Variants in CA10 observed in about 807,000 individuals in gnomAD.
CA10 encodes the protein carbonic anhydrase 10 (inactive), also known as carbonic anhydrase-related protein 10.
CA10 carries 14 observed loss-of-function variants against 44.2 expected under a neutral mutation model. That is an observed-to-expected ratio of 0.32 (90% CI 0.21 to 0.50). CA10 has a LOEUF of 0.50. CA10 is among the 20% of genes least tolerant of loss of function. The probability of loss-of-function intolerance (pLI) is 0.99; values close to 1 mark genes in which losing one functional copy is unlikely to be tolerated. For synonymous variants in CA10, 159 were observed against 141.6 expected (o/e 1.12, Z -0.87); for missense variants, 350 against 409.7 (o/e 0.85, Z 1.26).
chr17:51,648,530 G>C (rs1284422157), intron 6 of CA10, among the ~76,000 whole-genome samples: 1 of 152,120 alleles, frequency 6.6e-6, no homozygotes, highest in African/African-American at 2.4e-5. Flanking sequence ...GGTGTGTGCT[G>C]TCTCACCCAA....
chr17:51,965,341 A>T (rs750187573), intron 2 of CA10, among the ~76,000 whole-genome samples: 3 of 152,000 alleles, frequency 2.0e-5, no homozygotes, highest in Non-Finnish European at 4.4e-5. Flanking sequence ...CTATTTCAAG[A>T]AATCAAGGAG....
chr17:52,064,370 A>C (rs771259482), intron 2 of CA10, among the ~76,000 whole-genome samples: 18 of 152,268 alleles, frequency 1.2e-4, no homozygotes, highest in Non-Finnish European at 2.2e-4. Context: ...CTACTAAATA[A>C]ATGGTAATTC....
intron 3 of CA10, among the ~76,000 whole-genome samples, chr17:51,797,597 T>C (rs1484579517): frequency 1.3e-5 from 2 of 152,094 alleles, no homozygotes; most frequent in Non-Finnish European, 2.9e-5. Flanking sequence ...GGCTCACACC[T>C]GTAATCCCAG....
chr17:52,020,775 C>T (rs1257999512), intron 2 of CA10, among the ~76,000 whole-genome samples: 1 of 151,896 alleles, frequency 6.6e-6, no homozygotes, highest in Non-Finnish European at 1.5e-5. Context: ...ACATAGTACC[C>T]AATAAATAGT....
At chr17:52,044,846 A>G (rs1447091901) in intron 2 of CA10, among the ~76,000 whole-genome samples, 1 of 151,096 alleles carries the variant, frequency 6.6e-6, no homozygotes, top group African/African-American at 2.4e-5. Context: ...CAAGCAATCT[A>G]AGATATGTAT....
intron 1 of CA10, among the ~76,000 whole-genome samples, chr17:52,146,180 C>A (rs1021981011): frequency 3.9e-5 from 6 of 152,124 alleles, no homozygotes; most frequent in African/African-American, 1.4e-4. Context: ...TGCAACACAC[C>A]AACATGGCAC....
intron 4 of CA10, among the ~76,000 whole-genome samples, chr17:51,692,781 A>G (rs1346695292): frequency 2.6e-5 from 4 of 152,248 alleles, no homozygotes; most frequent in African/African-American, 9.6e-5. Flanking sequence ...TCATGTGGAA[A>G]TAAGTTTTTT....
chr17:51,890,003 T>C (rs940908134), intron 3 of CA10, among the ~76,000 whole-genome samples: 5 of 152,144 alleles, frequency 3.3e-5, no homozygotes, highest in Non-Finnish European at 1.5e-5. Flanking sequence ...ACCCTTTACA[T>C]TGATTATCTT....
chr17:51,738,872 CAATT>C lies in CA10; in HGVS notation c.465+8757_465+8760del, dbSNP rs539282586. ...TTTTATTTAAAAAGTTAAAAATCCCCAATTAAGAGTCAGGAAACTTGGGTTCTGG... is the reference window on the plus strand; with the variant it reads ...TTTTATTTAAAAAGTTAAAAATCCCCAAGAGTCAGGAAACTTGGGTTCTGG... On this transcript the variant is annotated intron_variant, in intron 4 of 8. Transcript: ENST00000451037. Among the ~76,000 whole-genome samples the C allele has an allele frequency of 1.3e-4, 20 of 152,284 alleles. No individual in the cohort carries two copies. In the South Asian group the frequency reaches 4.1e-3, roughly 32 times the overall value.
Position 52,158,497 on chromosome 17 carries a change from G to A in CA10, c.-711C>T. The A allele has an allele frequency of 6.5e-6, 1 of 154,944 alleles. No homozygotes were observed. The highest frequency in any genetic ancestry group is 1.4e-5 in the Non-Finnish European group (1 of 70,158). 9.6% of individuals were successfully genotyped at this position (154,944 alleles called of 1,614,324 possible). A position where few individuals can be genotyped will look rare whatever the true frequency, so the allele number is the denominator to read the frequency against. ...CCCTCCCTGCTCCCCAGGTCCGCGC[G>A]CAGCCTGCAGCCTCTCAGCCGGGTT... On this transcript the variant is annotated 5_prime_UTR_variant, in exon 1 of 9. Coordinates refer to ENST00000451037, the MANE Select transcript of CA10 (RefSeq NM_020178.5).
chr17:51,871,701 C>CTT (rs112702385), intron 3 of CA10, among the ~76,000 whole-genome samples: 3,398 of 147,184 alleles, frequency 0.023, 50 homozygotes, highest in Middle Eastern at 0.049. Context: ...CTTCTTTAAA[C>CTT]TTTTTTTTTT....
At chr17:51,691,791 A>G (rs1442132951) in intron 4 of CA10, among the ~76,000 whole-genome samples, 2 of 152,190 alleles carry the variant, frequency 1.3e-5, no homozygotes, top group African/African-American at 4.8e-5. Flanking sequence ...ACATGTGACT[A>G]TCCAGTTTTC....
intron 3 of CA10, among the ~76,000 whole-genome samples, chr17:51,809,497 C>T (rs930172670): frequency 6.6e-6 from 1 of 152,184 alleles, no homozygotes; most frequent in Non-Finnish European, 1.5e-5. Flanking sequence ...AAGGACAGTG[C>T]TAGAGCCAGG....
intron 2 of CA10, among the ~76,000 whole-genome samples, chr17:51,978,651 TAGG>T (rs766460928): frequency 4.6e-4 from 70 of 152,114 alleles, no homozygotes; most frequent in Non-Finnish European, 6.6e-4. Flanking sequence ...CAGAACACAA[TAGG>T]CATTAACCAT....
At chr17:51,905,730 T>G (rs1286172177) in intron 3 of CA10, among the ~76,000 whole-genome samples, 1 of 151,998 alleles carries the variant, frequency 6.6e-6, no homozygotes. Flanking sequence ...TGTTTCACCA[T>G]TCTCCCACAT....
intron 1 of CA10, among the ~76,000 whole-genome samples, chr17:52,094,977 C>T (rs1007628161): frequency 3.9e-5 from 6 of 152,158 alleles, no homozygotes; most frequent in Admixed American, 3.9e-4. Flanking sequence ...GGTATAGATG[C>T]AAAAAATATT....
intron 4 of CA10, among the ~76,000 whole-genome samples, chr17:51,687,128 T>C (rs1017050354): frequency 2.0e-5 from 3 of 152,244 alleles, no homozygotes; most frequent in African/African-American, 7.2e-5. Flanking sequence ...AATGACTTTC[T>C]ACATCTTACC....
chr17:51,756,739 G>C (rs946871371), intron 3 of CA10, among the ~76,000 whole-genome samples: 3 of 152,146 alleles, frequency 2.0e-5, no homozygotes, highest in Non-Finnish European at 4.4e-5. Flanking sequence ...GCCTCCCAAA[G>C]TGTTGGGATT....
rs1264533054 is a variant in CA10, at chr17:52,157,888, C to A, written c.-102G>T. The A allele has an allele frequency of 1.1e-6, 1 of 914,854 alleles. No individual in the cohort carries two copies. The allele number at this position is 914,854 out of a possible 1,614,324, so 56.7% of individuals were successfully genotyped here. A position where few individuals can be genotyped will look rare whatever the true frequency, so the allele number is the denominator to read the frequency against. ...ATACACACTCGCACACACTTCCGAG[C>A]GAGTGCACACTCGCACTCCCACCCG... On this transcript the variant is annotated 5_prime_UTR_variant, in exon 1 of 9. Coordinates refer to ENST00000451037, the MANE Select transcript of CA10 (RefSeq NM_020178.5).
Sources: gnomAD v4.1 joint callset for allele counts (sites outside exome capture counted in the v4.1 genomes callset) on GRCh38, gnomAD v4.1.1 for gene constraint, MANE v1.5 for transcripts, NCBI Gene and HGNC (gene_info 2026-07-23, HGNC 2026-07-21) for gene names.